PPARGC1A: variants seen among roughly 807,000 people sequenced by gnomAD.
The protein encoded by PPARGC1A is PPARG coactivator 1 alpha.
In PPARGC1A, 25 loss-of-function variants were observed where a neutral mutation model predicts 88.7. The observed-to-expected ratio is 0.28, with a 90% CI of 0.21 to 0.39. The LOEUF is 0.39. PPARGC1A is among the 10% of genes least tolerant of loss of function. The pLI is 1.00. For synonymous variants in PPARGC1A, 363 were observed against 355.6 expected, an observed-to-expected ratio of 1.02 and a Z score of -0.24; for missense variants, 880 against 968.7, an observed-to-expected ratio of 0.91 and a Z score of 1.22.
chr4:24,031,094 G>T, the PPARGC1A span, among the ~76,000 whole-genome samples: 1 of 152,108 alleles, frequency 6.6e-6, no homozygotes, highest in Non-Finnish European at 1.5e-5. Context: ...ACATTGACAA[G>T]CAGAGACTTG....
chr4:24,128,204 C>A, the PPARGC1A span, among the ~76,000 whole-genome samples: 1 of 152,158 alleles, frequency 6.6e-6, no homozygotes. Context: ...ATTATACACT[C>A]GTCCTGGTTT....
chr4:24,195,842 G>A, the PPARGC1A span, among the ~76,000 whole-genome samples: 2 of 152,140 alleles, frequency 1.3e-5, no homozygotes, highest in East Asian at 1.9e-4. Context: ...TTAAGGTTCT[G>A]CTAATGGATT....
the PPARGC1A span, among the ~76,000 whole-genome samples, chr4:23,980,091 T>C: frequency 6.6e-6 from 1 of 150,814 alleles, no homozygotes; most frequent in African/African-American, 2.4e-5. Context: ...CATGTTTTCC[T>C]CTGATTCAGT....
chr4:23,797,656 T>C (rs1230346068), intron 12 of PPARGC1A, among the ~76,000 whole-genome samples: 1 of 152,206 alleles, frequency 6.6e-6, no homozygotes, highest in Non-Finnish European at 1.5e-5. Flanking sequence ...CACTGTGAAA[T>C]ATAGTGTTCA....
rs35314800 is a variant in PPARGC1A at position 23,899,083 on chromosome 4, AC to A, written n.52+183del. ...TCTCGAACTCCAGACCTGATGATCCACCCCCCCCCGGCCTTGGCCTTCCAAA... is the reference window on the plus strand; with the variant it reads ...TCTCGAACTCCAGACCTGATGATCCACCCCCCCCGGCCTTGGCCTTCCAAA... On this transcript the variant is annotated intron_variant and non_coding_transcript_variant, in intron 1 of 3. Transcript: ENST00000507342. Among the ~76,000 whole-genome samples the A allele has an allele frequency of 7.0e-3, 1,055 of 151,232 alleles. 49 individuals carry two copies. The East Asian group carries it at 0.12, about 17-fold the overall frequency.
chr4:24,447,985 T>C, the PPARGC1A span, among the ~76,000 whole-genome samples: 1 of 152,146 alleles, frequency 6.6e-6, no homozygotes, highest in African/African-American at 2.4e-5. Flanking sequence ...TTCCCAAGAG[T>C]ACACAGAGCG....
the PPARGC1A span, among the ~76,000 whole-genome samples, chr4:24,262,517 C>A: frequency 1.3e-5 from 2 of 152,080 alleles, no homozygotes; most frequent in East Asian, 1.9e-4. Flanking sequence ...TAAAGGAAAC[C>A]ATTTTTCAAT....
At chr4:24,469,958 T>C in the PPARGC1A span, among the ~76,000 whole-genome samples, 1 of 152,068 alleles carries the variant, frequency 6.6e-6, no homozygotes, top group Non-Finnish European at 1.5e-5. Context: ...AAATGACTTG[T>C]TTCTATCTCG....
At chr4:24,294,854 A>C in the PPARGC1A span, among the ~76,000 whole-genome samples, 1 of 152,212 alleles carries the variant, frequency 6.6e-6, no homozygotes, top group Admixed American at 6.5e-5. Flanking sequence ...CTGGGATGTC[A>C]CCTAGTCAGC....
At chr4:24,229,340 G>T in the PPARGC1A span, among the ~76,000 whole-genome samples, 6 of 149,380 alleles carry the variant, frequency 4.0e-5, no homozygotes, top group Non-Finnish European at 6.0e-5. Flanking sequence ...ATAGAGACGG[G>T]GTTTCACCAT....
chr4:24,253,160 T>C, the PPARGC1A span, among the ~76,000 whole-genome samples: 2 of 152,290 alleles, frequency 1.3e-5, no homozygotes, highest in South Asian at 4.1e-4. Flanking sequence ...TCATTTTATA[T>C]TGAGGGTATT....
the PPARGC1A span, among the ~76,000 whole-genome samples, chr4:23,984,633 T>A: frequency 6.6e-6 from 1 of 152,104 alleles, no homozygotes; most frequent in African/African-American, 2.4e-5. Flanking sequence ...GCCAGGTGTA[T>A]AATCATGTAT....
chr4:24,194,694 G>A, the PPARGC1A span, among the ~76,000 whole-genome samples: 1 of 150,194 alleles, frequency 6.7e-6, no homozygotes, highest in Non-Finnish European at 1.5e-5. Context: ...TACTCAATTT[G>A]CCTCTTCAAA....
At chr4:24,036,724 C>T in the PPARGC1A span, among the ~76,000 whole-genome samples, 350 of 152,150 alleles carry the variant, frequency 2.3e-3, no homozygotes, top group African/African-American at 8.0e-3. Flanking sequence ...GGGGTGATTG[C>T]CACTTGGGTA....
the PPARGC1A span, among the ~76,000 whole-genome samples, chr4:24,197,705 G>A: frequency 6.6e-6 from 1 of 152,160 alleles, no homozygotes; most frequent in African/African-American, 2.4e-5. Flanking sequence ...GAAAGGTGGT[G>A]CCACCTTGCA....
chr4:24,181,020 T>C, the PPARGC1A span, among the ~76,000 whole-genome samples: 4 of 152,184 alleles, frequency 2.6e-5, no homozygotes, highest in Non-Finnish European at 4.4e-5. Context: ...AAGTCCACAA[T>C]AAACCAGCTT....
the PPARGC1A span, among the ~76,000 whole-genome samples, chr4:24,028,187 T>C: frequency 6.6e-6 from 1 of 152,198 alleles, no homozygotes; most frequent in African/African-American, 2.4e-5. Flanking sequence ...GTAAGCCTTA[T>C]TTTTGGCCAT....
the PPARGC1A span, among the ~76,000 whole-genome samples, chr4:24,183,219 TG>T: frequency 1.3e-5 from 2 of 152,282 alleles, no homozygotes; most frequent in South Asian, 4.2e-4. Flanking sequence ...GACTTCTAAG[TG>T]CCAGACACTG....
chr4:24,281,814 C>T, the PPARGC1A span, among the ~76,000 whole-genome samples: 7 of 151,766 alleles, frequency 4.6e-5, no homozygotes, highest in Non-Finnish European at 1.0e-4. Context: ...ATAATAATGG[C>T]TAACATTGAC....
Sources: allele counts gnomAD v4.1 joint callset (sites outside exome capture counted in the v4.1 genomes callset), GRCh38; gene constraint gnomAD v4.1.1; transcripts MANE v1.5; gene names NCBI Gene and HGNC (gene_info 2026-07-23, HGNC 2026-07-21).